VPS72: variants seen among roughly 807,000 people sequenced by gnomAD.
VPS72 encodes vacuolar protein sorting 72 homolog, also known as vacuolar protein sorting-associated protein 72 homolog.
In VPS72, 27 loss-of-function variants were observed where a neutral mutation model predicts 38.9. The observed-to-expected ratio is 0.69, with a 90% CI of 0.51 to 0.96. The LOEUF (loss-of-function observed/expected upper bound fraction) is 0.96. VPS72 is among the 40% of genes least tolerant of loss of function. VPS72 has a pLI of 0.00. For missense variants in VPS72, 360 were observed against 479.5 expected (o/e 0.75, Z 2.33); for synonymous variants, 173 against 186.3 (o/e 0.93, Z 0.58).
chr1:151,177,967 C>T, intron 5 of VPS72, 34 bp downstream of exon 5: 1 of 1,606,052 alleles, frequency 6.2e-7, no homozygotes, highest in Non-Finnish European at 8.5e-7. Flanking sequence ...ATGAGCTGAA[C>T]ACACAATCTC....
At chr1:151,184,574 G>A in intron 3 of VPS72, 81 bp from the exon 4 acceptor site, 1 of 1,378,840 alleles carries the variant, frequency 7.3e-7, no homozygotes, top group Non-Finnish European at 9.6e-7. Flanking sequence ...GTTGTACTTG[G>A]AAATAATTTT....
chr1:151,177,690 C>CA (rs1372686289), intron 5 of VPS72, among the ~76,000 whole-genome samples: 1 of 151,830 alleles, frequency 6.6e-6, no homozygotes, highest in Non-Finnish European at 1.5e-5. Context: ...ACCGTCTCTA[C>CA]AAAAAATACA....
intron 1 of VPS72, among the ~76,000 whole-genome samples, chr1:151,189,094 G>A (rs988476998): frequency 1.3e-5 from 2 of 152,190 alleles, no homozygotes; most frequent in African/African-American, 2.4e-5. Context: ...CTTCCAAAGT[G>A]CTGGGATTAC....
At chr1:151,183,893 T>TG (rs2101726963) in intron 4 of VPS72, among the ~76,000 whole-genome samples, 1 of 145,926 alleles carries the variant, frequency 6.9e-6, no homozygotes, top group East Asian at 2.0e-4. Context: ...CACCCCCTGC[T>TG]TTTTTTTTTT....
chr1:151,188,374 A>C (rs1336550923), intron 1 of VPS72, among the ~76,000 whole-genome samples: 1 of 152,134 alleles, frequency 6.6e-6, no homozygotes, highest in Non-Finnish European at 1.5e-5. Flanking sequence ...TTTCTCTTGA[A>C]TCTTTCTGTT....
At position 151,176,480 on chromosome 1, in the gene VPS72, T is replaced by A; in HGVS notation, c.*164A>T. On this transcript the variant is annotated 3_prime_UTR_variant, in exon 6 of 6. Transcript: ENST00000368892. ...GACAAAAGGGATCTTTCTATTTTAT[T>A]AGATTAAAAAACACAACGAAACCTG... 8.3e-7 allele frequency: 1 copy of A among 1,197,678 alleles called. No homozygotes were observed. The highest frequency in any genetic ancestry group is 2.4e-5 in the East Asian group (1 of 42,234). The allele number at this position is 1,197,678 out of a possible 1,614,324, so 74.2% of individuals were successfully genotyped here. A position where few individuals can be genotyped will look rare whatever the true frequency, so the allele number is the denominator to read the frequency against.
intron 3 of VPS72, 21 bp downstream of exon 3, chr1:151,185,485 G>A: frequency 6.2e-7 from 1 of 1,608,692 alleles, no homozygotes; most frequent in Non-Finnish European, 8.5e-7. Context: ...TTTGCCAATT[G>A]ACCCTAACAT....
chr1:151,176,618 G>A lies in VPS72; in HGVS notation c.*26C>T. 1 of 1,607,286 alleles carries A rather than the reference G, an allele frequency of 6.2e-7. No individual in the cohort carries two copies. The highest frequency in any genetic ancestry group is 8.5e-7 in the Non-Finnish European group (1 of 1,176,486). On this transcript the variant is annotated 3_prime_UTR_variant, in exon 6 of 6. Transcript: ENST00000368892. Reference sequence around the variant, plus strand: ...CAAGAGCCCCAATCAGGGCAGGAAAGAAGTTTCTGAGGACTAGACATCTCT... The same window carrying A: ...CAAGAGCCCCAATCAGGGCAGGAAAAAAGTTTCTGAGGACTAGACATCTCT...
chr1:151,176,464 G>A lies in VPS72; in HGVS notation c.*180C>T. The A allele has an allele frequency of 9.4e-7, 1 of 1,064,896 alleles. No individual in the cohort carries two copies. Among genetic ancestry groups the A allele is most frequent in the South Asian group, 1.7e-5 (1 of 60,432 alleles). 66.0% of individuals were successfully genotyped at this position (1,064,896 alleles called of 1,614,324 possible). ...CCTAGACTGGACACCAGACAAAAGGGATCTTTCTATTTTATTAGATTAAAA... is the reference window on the plus strand; with the variant it reads ...CCTAGACTGGACACCAGACAAAAGGAATCTTTCTATTTTATTAGATTAAAA... On this transcript the variant is annotated 3_prime_UTR_variant, in exon 6 of 6. Transcript: ENST00000368892.
chr1:151,182,625 C>T (rs1232985140), intron 4 of VPS72, among the ~76,000 whole-genome samples: 17 of 152,114 alleles, frequency 1.1e-4, no homozygotes, highest in Admixed American at 1.1e-3. Flanking sequence ...ACTTGGTCCC[C>T]AAAAAGTGCT....
intron 4 of VPS72, among the ~76,000 whole-genome samples, chr1:151,183,468 C>A (rs1440324607): frequency 2.0e-5 from 3 of 149,088 alleles, no homozygotes; most frequent in Non-Finnish European, 4.5e-5. Flanking sequence ...GGGAGTCACT[C>A]TCCTTACAGT....
chr1:151,177,082 C>T lies in VPS72; in HGVS notation c.708-51G>A, dbSNP rs1423125970. 3 of 1,493,122 alleles carry T rather than the reference C, an allele frequency of 2.0e-6. No individual in the cohort carries two copies. In the South Asian group the frequency reaches 4.2e-5, roughly 21 times the overall value. 92.5% of individuals were successfully genotyped at this position (1,493,122 alleles called of 1,614,324 possible). ...ACAAAGAGCTGAGGAGAGAAGACAA[C>T]AGATACAGAAAGAAGGAAATCAGGC... On this transcript the variant is annotated intron_variant, in intron 5 of 5. Coordinates refer to ENST00000368892, the MANE Select transcript of VPS72 (RefSeq NM_005997.3).
At position 151,189,910 on chromosome 1, in the gene VPS72, C is replaced by T. The variant is rs1191247579; in HGVS notation, c.117+95G>A. On this transcript the variant is annotated intron_variant, in intron 1 of 5. Transcript: ENST00000368892. Reference sequence around the variant, plus strand: ...TCGAGTATCAGCTCCCAGAGCTCCTCTCTATTCCCCGCCCTCTTCTTCTTT... The same window carrying T: ...TCGAGTATCAGCTCCCAGAGCTCCTTTCTATTCCCCGCCCTCTTCTTCTTT... The T allele has an allele frequency of 2.8e-6, 4 of 1,434,838 alleles. No individual in the cohort carries two copies. In the African/African-American group the frequency reaches 4.2e-5, roughly 15 times the overall value. The allele number at this position is 1,434,838 out of a possible 1,614,324, so 88.9% of individuals were successfully genotyped here.
chr1:151,176,647 T>C lies in VPS72; in HGVS notation c.1092A>G (p.Lys364=). 1 of 1,613,336 alleles carries C rather than the reference T, an allele frequency of 6.2e-7. No individual in the cohort carries two copies. Among genetic ancestry groups the C allele is most frequent in the Non-Finnish European group, 8.5e-7 (1 of 1,179,790 alleles). ...TTTCTGAGGACTAGACATCTCTTCATTTAATGACAATTTTCTGGCGCAAGG... is the reference window on the plus strand; with the variant it reads ...TTTCTGAGGACTAGACATCTCTTCACTTAATGACAATTTTCTGGCGCAAGG... ...PRALRQKIVI[K] The change falls in exon 6 of 6, where the codon AAA becomes AAG. Residue 364 remains lysine (K), a synonymous_variant. Transcript: ENST00000368892.
In VPS72 at chr1:151,179,474, C is replaced by T. The variant is rs587764220; in HGVS notation, c.563-1329G>A. On this transcript the variant is annotated intron_variant, in intron 4 of 5. Transcript: ENST00000368892. ...ATTAGCTGGACGTGGTGGTGAGCACCTGTAGTCCCAGCTACTCGGGAGGCT... is the reference window on the plus strand; with the variant it reads ...ATTAGCTGGACGTGGTGGTGAGCACTTGTAGTCCCAGCTACTCGGGAGGCT... Among the ~76,000 whole-genome samples, 5 of 152,164 alleles carry T rather than the reference C, an allele frequency of 3.3e-5. No individual in the cohort carries two copies. In the East Asian group the frequency reaches 9.7e-4, roughly 29 times the overall value.
In VPS72 at chr1:151,178,087, G is replaced by T; in HGVS notation, c.621C>A (p.Cys207Ter). ...KKKQVHKKRK[C>*]PGPIITYHSV... ...AATGATAGGTGATTATGGGCCCGGG[G>T]CACTTCCGCTTCTTATGAACCTGCT... Residue 207 changes from cysteine (C) to a stop codon, truncating the protein, a stop_gained, in exon 5 of 6, where the codon TGC (cysteine) becomes TGA (stop). Transcript: ENST00000368892. LOFTEE classifies it high-confidence loss of function. 6.2e-7 allele frequency: 1 copy of T among 1,614,092 alleles called. No individual in the cohort carries two copies. Among genetic ancestry groups the T allele is most frequent in the South Asian group, 1.1e-5 (1 of 91,082 alleles).
chr1:151,184,531 A>T (rs1028399499), intron 3 of VPS72, 38 bp from the exon 4 acceptor site: 3 of 1,522,864 alleles, frequency 2.0e-6, no homozygotes, highest in Admixed American at 4.1e-5. Context: ...CTTTGAATTC[A>T]TGTCCACATA....
Position 151,190,027 on chromosome 1 carries a change from G to A in VPS72, c.95C>T (p.Thr32Met), listed in dbSNP as rs751908061. 12 of 1,613,852 alleles carry A rather than the reference G, an allele frequency of 7.4e-6. No individual in the cohort carries two copies. Among genetic ancestry groups the A allele is most frequent in the Admixed American group, 1.7e-5 (1 of 59,978 alleles). The stretch of plus-strand genomic sequence containing the variant: ...TGCCTCTGTGAAACCCCCATAAGTC[G>A]TCTGGTAGAACTCATCTTCCTCCTC... ...EAEEEDEFYQ[T>M]TYGGFTEESG... The change falls in exon 1 of 6, where the codon ACG becomes ATG. Residue 32 changes from threonine (T) to methionine (M), a missense_variant. Transcript: ENST00000368892.
In VPS72 at chr1:151,176,502, C is replaced by G. The variant is rs1684100749; in HGVS notation, c.*142G>C. 7.4e-7 allele frequency: 1 copy of G among 1,355,990 alleles called. No individual in the cohort carries two copies. The allele number at this position is 1,355,990 out of a possible 1,614,324, so 84.0% of individuals were successfully genotyped here. ...TATTAGATTAAAAAACACAACGAAA[C>G]CTGTAAGAACTAGGGGAAAAGGAAA... On this transcript the variant is annotated 3_prime_UTR_variant, in exon 6 of 6. Coordinates refer to ENST00000368892, the MANE Select transcript of VPS72 (RefSeq NM_005997.3).
Sources: gnomAD v4.1 joint callset for allele counts (sites outside exome capture counted in the v4.1 genomes callset) on GRCh38, gnomAD v4.1.1 for gene constraint, MANE v1.5 for transcripts, NCBI Gene and HGNC (gene_info 2026-07-23, HGNC 2026-07-21) for gene names.